PTPRD: variants seen among roughly 807,000 people sequenced by gnomAD.
PTPRD encodes the protein protein tyrosine phosphatase receptor type D, also known as receptor-type tyrosine-protein phosphatase delta.
A neutral mutation model predicts 214.5 loss-of-function variants in PTPRD; 34 were observed. The observed-to-expected ratio is 0.16, with a 90% CI of 0.12 to 0.21. The LOEUF (loss-of-function observed/expected upper bound fraction) is 0.21. Ranked by LOEUF, PTPRD falls within the 10% of genes least tolerant of loss-of-function variation. PTPRD has a pLI of 1.00. For missense variants in PTPRD, 2,545 were observed against 2,398.7 expected (o/e 1.06, Z -1.27); for synonymous variants, 1,128 against 845.7 (o/e 1.33, Z -5.79).
intron 12 of PTPRD, among the ~76,000 whole-genome samples, chr9:8,675,534 C>T (rs1463742040): frequency 1.4e-5 from 1 of 73,774 alleles, no homozygotes; most frequent in Non-Finnish European, 2.6e-5. Context: ...CACACACACA[C>T]ACACAAAAAA....
At chr9:9,152,116 C>T (rs566763880) in intron 10 of PTPRD, among the ~76,000 whole-genome samples, 10 of 152,252 alleles carry the variant, frequency 6.6e-5, no homozygotes, top group East Asian at 1.9e-4. Flanking sequence ...GCATTGGGTA[C>T]GAATGAAGAG....
rs147580825 is a variant in PTPRD, at chr9:8,499,139, G to C, written c.2322+508C>G. On this transcript the variant is annotated intron_variant, in intron 25 of 45. Coordinates refer to ENST00000381196, the MANE Select transcript of PTPRD (RefSeq NM_002839.4). ...TTCATTTGCTGGGACATGAAACAAT[G>C]AGTTTCATCAAATATGTAATTTGAT... Among the ~76,000 whole-genome samples, 298 of 152,150 alleles carry C rather than the reference G, an allele frequency of 2.0e-3. 1 individual carries two copies. The highest frequency in any genetic ancestry group is 6.9e-3 in the African/African-American group (288 of 41,490).
At position 8,322,688 on chromosome 9, in the gene PTPRD, A is replaced by C. The variant is rs1198341871; in HGVS notation, c.5535-2722T>G. 2.0e-5 allele frequency among the ~76,000 whole-genome samples: 3 copies of C among 152,224 alleles called. No individual in the cohort carries two copies. The East Asian group carries it at 5.8e-4, about 29-fold the overall frequency. On this transcript the variant is annotated intron_variant, in intron 44 of 45. Transcript: ENST00000381196. ...AAGTGCTGTTACAGAAGCTGTAGCA[A>C]GTTATCCAGAATATCTAGCTAAGAT...
chr9:10,114,654 T>C (rs1448144581), intron 3 of PTPRD, among the ~76,000 whole-genome samples: 1 of 152,102 alleles, frequency 6.6e-6, no homozygotes, highest in East Asian at 1.9e-4. Context: ...TAAGTGCTTA[T>C]CAATATGAAA....
chr9:9,873,937 G>A (rs985624956), intron 5 of PTPRD, among the ~76,000 whole-genome samples: 2 of 152,076 alleles, frequency 1.3e-5, no homozygotes, highest in Non-Finnish European at 2.9e-5. Flanking sequence ...TATTGAAGTA[G>A]TAATAGTGTA....
At chr9:10,318,631 G>T (rs1004558586) in intron 3 of PTPRD, among the ~76,000 whole-genome samples, 1 of 151,872 alleles carries the variant, frequency 6.6e-6, no homozygotes, top group African/African-American at 2.4e-5. Flanking sequence ...TTAATTTTTT[G>T]AGACAGGGTC....
At chr9:10,355,698 G>C (rs924744236) in intron 2 of PTPRD, among the ~76,000 whole-genome samples, 97 of 152,068 alleles carry the variant, frequency 6.4e-4, no homozygotes, top group African/African-American at 2.1e-3. Flanking sequence ...GGGTGATCTT[G>C]AACTCCCGAC....
At chr9:10,224,128 A>T (rs969200267) in intron 3 of PTPRD, among the ~76,000 whole-genome samples, 13 of 152,158 alleles carry the variant, frequency 8.5e-5, no homozygotes, top group African/African-American at 2.9e-4. Flanking sequence ...ACACCAATAC[A>T]AATATTAAGA....
At chr9:8,981,666 A>T (rs2099313440) in intron 11 of PTPRD, among the ~76,000 whole-genome samples, 1 of 152,202 alleles carries the variant, frequency 6.6e-6, no homozygotes, top group African/African-American at 2.4e-5. Context: ...TGGGCTGGGC[A>T]CACAGAATTC....
chr9:9,164,890 A>AAAACAAAACAAAACAAACC (rs2099899122), intron 10 of PTPRD, among the ~76,000 whole-genome samples: 1 of 132,968 alleles, frequency 7.5e-6, no homozygotes, highest in East Asian at 2.6e-4. Context: ...CAAAACAAAC[A>AAAACAAAACAAAACAAACC]AACCAACCAG....
intron 4 of PTPRD, among the ~76,000 whole-genome samples, chr9:9,941,215 T>C (rs2091366417): frequency 6.6e-6 from 1 of 152,214 alleles, no homozygotes; most frequent in African/African-American, 2.4e-5. Context: ...ATGCCTGGCT[T>C]CCTATATGAC....
chr9:8,985,642 C>CT (rs971082137), intron 11 of PTPRD, among the ~76,000 whole-genome samples: 26 of 118,462 alleles, frequency 2.2e-4, no homozygotes, highest in South Asian at 5.4e-4. Context: ...GTGCCTTTTA[C>CT]AAAAAAAAAA....
chr9:8,458,939 T>C (rs2096294990), intron 33 of PTPRD, among the ~76,000 whole-genome samples: 1 of 152,154 alleles, frequency 6.6e-6, no homozygotes, highest in Non-Finnish European at 1.5e-5. Context: ...TAAAATAGGA[T>C]AGGCAATTTA....
At chr9:10,221,980 A>G (rs2099572799) in intron 3 of PTPRD, among the ~76,000 whole-genome samples, 1 of 151,950 alleles carries the variant, frequency 6.6e-6, no homozygotes, top group South Asian at 2.1e-4. Context: ...TCTTCAACAG[A>G]ACAAACTTGT....
chr9:8,781,140 G>C (rs911701315), intron 11 of PTPRD, among the ~76,000 whole-genome samples: 4 of 152,072 alleles, frequency 2.6e-5, no homozygotes, highest in Admixed American at 1.3e-4. Context: ...TTTATGACCA[G>C]CAAAAGGCTT....
chr9:10,498,320 A>T (rs1249425830), intron 2 of PTPRD, among the ~76,000 whole-genome samples: 2 of 152,050 alleles, frequency 1.3e-5, no homozygotes, highest in Admixed American at 6.6e-5. Flanking sequence ...AGAAAAGGTT[A>T]TCTTAAAAAT....
At chr9:8,530,677 T>TA (rs1446726527) in intron 14 of PTPRD, among the ~76,000 whole-genome samples, 2 of 152,040 alleles carry the variant, frequency 1.3e-5, no homozygotes, top group Non-Finnish European at 2.9e-5. Flanking sequence ...AGTGACTGTT[T>TA]AAAAAATATA....
intron 2 of PTPRD, among the ~76,000 whole-genome samples, chr9:10,384,720 A>G (rs2097883456): frequency 6.6e-6 from 1 of 151,538 alleles, no homozygotes; most frequent in Admixed American, 6.6e-5. Context: ...CTGTAAGCAT[A>G]CATGATGCAA....
intron 3 of PTPRD, among the ~76,000 whole-genome samples, chr9:10,257,882 A>C (rs1229907451): frequency 6.6e-6 from 1 of 152,216 alleles, no homozygotes; most frequent in Non-Finnish European, 1.5e-5. Context: ...AAAATAAAAC[A>C]AAATAACACC....
Sources: gnomAD v4.1 joint callset for allele counts (sites outside exome capture counted in the v4.1 genomes callset) on GRCh38, gnomAD v4.1.1 for gene constraint, MANE v1.5 for transcripts, NCBI Gene and HGNC (gene_info 2026-07-23, HGNC 2026-07-21) for gene names.